FBXO27: variants seen among roughly 807,000 people sequenced by gnomAD.
The protein encoded by FBXO27 is F-box protein 27.
In FBXO27, 28 loss-of-function variants were observed where a neutral mutation model predicts 28.3. The observed-to-expected ratio is 0.99, with a 90% CI of 0.73 to 1.36. FBXO27 has a LOEUF of 1.36. Ranked by LOEUF, FBXO27 falls within the 40% of genes most tolerant of loss-of-function variation. FBXO27 has a pLI of 0.00. For missense variants in FBXO27, 388 were observed against 394.1 expected (o/e 0.98, Z 0.13); for synonymous variants, 175 against 167.3 (o/e 1.05, Z -0.36).
chr19:39,006,821 A>G (rs535598688), intron 2 of FBXO27, among the ~76,000 whole-genome samples: 138 of 151,742 alleles, frequency 9.1e-4, no homozygotes, highest in African/African-American at 2.9e-3. Flanking sequence ...GCTCATGCCT[A>G]TAATCCCAGT....
intron 2 of FBXO27, among the ~76,000 whole-genome samples, chr19:39,009,370 G>A (rs969305067): frequency 3.4e-4 from 51 of 152,150 alleles, no homozygotes; most frequent in African/African-American, 1.2e-3. Context: ...AATGACAAAC[G>A]GCTTTCTAAA....
intron 5 of FBXO27, among the ~76,000 whole-genome samples, chr19:39,025,931 T>C (rs2072870925): frequency 6.6e-6 from 1 of 151,878 alleles, no homozygotes; most frequent in Admixed American, 6.6e-5. Flanking sequence ...GGCAGGAGAA[T>C]CACTTGAACC....
At chr19:39,029,269 T>C (rs2072889450) in intron 4 of FBXO27, among the ~76,000 whole-genome samples, 1 of 146,704 alleles carries the variant, frequency 6.8e-6, no homozygotes, top group Non-Finnish European at 1.5e-5. Flanking sequence ...CTACTAAAAA[T>C]AAAAAAAAAT....
At chr19:39,008,956 G>T (rs572534006) in intron 2 of FBXO27, among the ~76,000 whole-genome samples, 13 of 152,242 alleles carry the variant, frequency 8.5e-5, no homozygotes, top group African/African-American at 3.1e-4. Flanking sequence ...GAGTAGCTGG[G>T]ATTACAGGCA....
chr19:39,023,114 T>C (rs929921974), downstream of FBXO27, among the ~76,000 whole-genome samples: 1 of 152,150 alleles, frequency 6.6e-6, no homozygotes, highest in South Asian at 2.1e-4. Flanking sequence ...AATTTTTGTA[T>C]TTTTAGTAGA....
intron 4 of FBXO27, among the ~76,000 whole-genome samples, chr19:39,029,426 C>CAAAAA (rs35521168): frequency 2.9e-5 from 3 of 101,740 alleles, no homozygotes; most frequent in East Asian, 2.8e-4. Context: ...GACTCTGTCT[C>CAAAAA]AAAAAAAAAA....
chr19:39,028,102 G>C (rs1024420947), intron 4 of FBXO27, among the ~76,000 whole-genome samples: 1 of 151,992 alleles, frequency 6.6e-6, no homozygotes, highest in Admixed American at 6.6e-5. Context: ...TTAGCCAGGC[G>C]TGGTGGCAGG....
In FBXO27 at chr19:39,032,236, C is replaced by A. The variant is rs2072911077; in HGVS notation, c.-9G>T. The A allele has an allele frequency of 7.0e-7, 1 of 1,428,712 alleles. No homozygotes were observed. Among genetic ancestry groups the A allele is most frequent in the Non-Finnish European group, 9.1e-7 (1 of 1,100,298 alleles). 88.5% of individuals were successfully genotyped at this position (1,428,712 alleles called of 1,614,324 possible). ...GAGACCGAGGCGCCCATGGTCCCCC[C>A]GCCAGGCCCGGCTGTGGCTGCGGGA... On this transcript the variant is annotated 5_prime_UTR_variant, in exon 2 of 6. Coordinates refer to ENST00000292853, the MANE Select transcript of FBXO27 (RefSeq NM_178820.5). This position sits in a 1 kb window ranked among gnomAD's most constrained non-coding sequence, Gnocchi z 4.7.
Position 39,024,721 on chromosome 19 carries a change from A to C in FBXO27, c.*690T>G, listed in dbSNP as rs1393458708. 2.6e-5 allele frequency: 4 copies of C among 151,798 alleles called. No individual in the cohort carries two copies. Among genetic ancestry groups the C allele is most frequent in the Non-Finnish European group, 4.4e-5 (3 of 68,036 alleles). The allele number at this position is 151,798 out of a possible 1,614,324, so 9.4% of individuals were successfully genotyped here. A position where few individuals can be genotyped will look rare whatever the true frequency, so the allele number is the denominator to read the frequency against. On this transcript the variant is annotated 3_prime_UTR_variant, in exon 6 of 6. Transcript: ENST00000292853. ...GGATTTTTAGTAGAGACGGGGTTTC[A>C]CCATGTTGGCCAGGCTGGTCTTGAA...
At chr19:39,028,625 G>A (rs2072885800) in intron 4 of FBXO27, among the ~76,000 whole-genome samples, 1 of 152,068 alleles carries the variant, frequency 6.6e-6, no homozygotes, top group Non-Finnish European at 1.5e-5. Flanking sequence ...GACTTTGGGA[G>A]GCAGAGGCGG....
chr19:39,017,042 G>A (rs187039567), intron 1 of FBXO27, among the ~76,000 whole-genome samples: 14 of 152,150 alleles, frequency 9.2e-5, no homozygotes, highest in Admixed American at 6.5e-5. Flanking sequence ...CCATGATCGC[G>A]CCACTGCACT....
At chr19:39,016,075 A>T (rs1312471204) in intron 1 of FBXO27, among the ~76,000 whole-genome samples, 1 of 152,156 alleles carries the variant, frequency 6.6e-6, no homozygotes, top group Non-Finnish European at 1.5e-5. Flanking sequence ...CCATCTCAAA[A>T]CAAATACAAA....
intron 2 of FBXO27, among the ~76,000 whole-genome samples, chr19:39,006,185 G>C (rs911832857): frequency 1.3e-5 from 2 of 152,182 alleles, no homozygotes; most frequent in African/African-American, 4.8e-5. Flanking sequence ...ACTTGAGGCT[G>C]CCGAGGTGGG....
intron 4 of FBXO27, among the ~76,000 whole-genome samples, chr19:39,028,137 A>G (rs994997346): frequency 2.0e-5 from 3 of 152,074 alleles, no homozygotes; most frequent in African/African-American, 7.2e-5. Flanking sequence ...GCTACGAGGC[A>G]GGAGAATCGC....
At chr19:39,022,344 T>C (rs538412787), downstream of FBXO27, among the ~76,000 whole-genome samples, 1 of 152,106 alleles carries the variant, frequency 6.6e-6, no homozygotes, top group Admixed American at 6.6e-5. Context: ...TCTCACTATG[T>C]TGCCTAGGCT....
At chr19:39,013,122 T>A (rs750050701) in intron 2 of FBXO27, among the ~76,000 whole-genome samples, 3 of 152,154 alleles carry the variant, frequency 2.0e-5, no homozygotes, top group Non-Finnish European at 2.9e-5. Context: ...ACTGCCTTCC[T>A]AAGGTGTGTG....
downstream of FBXO27, among the ~76,000 whole-genome samples, chr19:39,022,796 TTTTA>T (rs1357962909): frequency 1.3e-5 from 2 of 151,774 alleles, no homozygotes; most frequent in Admixed American, 6.6e-5. Context: ...TGCATTTTTA[TTTTA>T]TTTATTTATT....
chr19:39,010,663 C>A (rs919942757), intron 2 of FBXO27, among the ~76,000 whole-genome samples: 1 of 152,196 alleles, frequency 6.6e-6, no homozygotes, highest in African/African-American at 2.4e-5. Context: ...GGCATTGACT[C>A]GATGACCCAA....
Position 39,025,324 on chromosome 19 carries a change from C to T in FBXO27, c.*87G>A. On this transcript the variant is annotated 3_prime_UTR_variant, in exon 6 of 6. Coordinates refer to ENST00000292853, the MANE Select transcript of FBXO27 (RefSeq NM_178820.5). Reference sequence around the variant, plus strand: ...TCAGTATGCCAGGGAGGTACAAGTGCTTGGTTGGTTAATGAGGGGTCCCAG... The same window carrying T: ...TCAGTATGCCAGGGAGGTACAAGTGTTTGGTTGGTTAATGAGGGGTCCCAG... 10 of 1,497,364 alleles carry T rather than the reference C, an allele frequency of 6.7e-6. No homozygotes were observed. The highest frequency in any genetic ancestry group is 9.0e-6 in the Non-Finnish European group (10 of 1,111,996). The allele number at this position is 1,497,364 out of a possible 1,614,324, so 92.8% of individuals were successfully genotyped here. A position where few individuals can be genotyped will look rare whatever the true frequency, so the allele number is the denominator to read the frequency against.
Sources: allele counts gnomAD v4.1 joint callset (sites outside exome capture counted in the v4.1 genomes callset), GRCh38; gene constraint gnomAD v4.1.1; non-coding constraint Gnocchi (gnomAD v3.1); transcripts MANE v1.5; gene names NCBI Gene and HGNC (gene_info 2026-07-23, HGNC 2026-07-21).